VGLL3: variants seen among roughly 807,000 people sequenced by gnomAD.
VGLL3 encodes vestigial like family member 3, also known as transcription cofactor vestigial-like protein 3.
A neutral mutation model predicts 29.2 loss-of-function variants in VGLL3; 18 were observed. The observed-to-expected ratio is 0.62, with a 90% CI of 0.43 to 0.91. The LOEUF is 0.91. Among genes scored for constraint, VGLL3 ranks in the 40% least tolerant of loss-of-function variants. The probability of loss-of-function intolerance (pLI) is 0.00; values close to 1 mark genes in which losing one functional copy is unlikely to be tolerated. For synonymous variants in VGLL3, 180 were observed against 151.8 expected (o/e 1.19, Z -1.36); for missense variants, 440 against 413.2 (o/e 1.06, Z -0.56).
chr3:86,955,769 A>C (rs1210561864), intron 3 of VGLL3, among the ~76,000 whole-genome samples: 5 of 152,300 alleles, frequency 3.3e-5, no homozygotes, highest in East Asian at 1.9e-4. Context: ...TCAAGTAAAC[A>C]TAAATAGGGC....
chr3:86,947,324 T>A (rs1289886710), intron 3 of VGLL3, among the ~76,000 whole-genome samples: 1 of 152,228 alleles, frequency 6.6e-6, no homozygotes, highest in African/African-American at 2.4e-5. Flanking sequence ...TTATTTGCTA[T>A]ATTTTTTATT....
chr3:86,948,240 G>A (rs1704545090), intron 3 of VGLL3, among the ~76,000 whole-genome samples: 1 of 152,144 alleles, frequency 6.6e-6, no homozygotes, highest in African/African-American at 2.4e-5. Context: ...ATGCAGCAAA[G>A]TTGCTGTTGT....
rs1161648912 is a variant in VGLL3, at chr3:86,938,068, G to A, written c.*8956C>T. ...CACCCATTGATCCTTGATTAGTCCT[G>A]AAGTTATCAAAGTATGATTTTTCTT... is the stretch of plus-strand genomic sequence containing the variant. On this transcript the variant is annotated 3_prime_UTR_variant, in exon 4 of 4. Transcript: ENST00000398399. 2 of 152,140 alleles carry A rather than the reference G, an allele frequency of 1.3e-5. No individual in the cohort carries two copies. The highest frequency in any genetic ancestry group is 4.8e-5 in the African/African-American group (2 of 41,420). 9.4% of individuals were successfully genotyped at this position (152,140 alleles called of 1,614,324 possible).
intron 3 of VGLL3, among the ~76,000 whole-genome samples, chr3:86,952,358 C>G (rs569956834): frequency 6.6e-6 from 1 of 152,118 alleles, no homozygotes; most frequent in East Asian, 1.9e-4. Flanking sequence ...AGTCATAACC[C>G]ACTAAATAAA....
rs1294089794 is a variant in VGLL3, at chr3:86,941,891, G to A, written c.*5133C>T. Reference sequence around the variant, plus strand: ...AAAAGTAACATTTTGAAGTTATTGAGACTGAGGTTTCCTTATGGACTCCAC... The same window carrying A: ...AAAAGTAACATTTTGAAGTTATTGAAACTGAGGTTTCCTTATGGACTCCAC... On this transcript the variant is annotated 3_prime_UTR_variant, in exon 4 of 4. Coordinates refer to ENST00000398399, the MANE Select transcript of VGLL3 (RefSeq NM_016206.4). 1.3e-5 allele frequency: 2 copies of A among 152,078 alleles called. No individual in the cohort carries two copies. The highest frequency in any genetic ancestry group is 2.9e-5 in the Non-Finnish European group (2 of 68,014). 9.4% of individuals were successfully genotyped at this position (152,078 alleles called of 1,614,324 possible).
chr3:86,942,136 C>A lies in VGLL3; in HGVS notation c.*4888G>T, dbSNP rs1013286801. The stretch of plus-strand genomic sequence containing the variant: ...AACTGTAATTTCTCTCTCAAACAAG[C>A]CTTTCTTATTCTGAAAGATGTCTTT... On this transcript the variant is annotated 3_prime_UTR_variant, in exon 4 of 4. Transcript: ENST00000398399. The A allele has an allele frequency of 2.0e-5, 3 of 152,048 alleles. No individual in the cohort carries two copies. The highest frequency in any genetic ancestry group is 4.8e-5 in the African/African-American group (2 of 41,404). 9.4% of individuals were successfully genotyped at this position (152,048 alleles called of 1,614,324 possible).
At chr3:86,988,002 T>A (rs948516461) in intron 1 of VGLL3, among the ~76,000 whole-genome samples, 9 of 152,288 alleles carry the variant, frequency 5.9e-5, no homozygotes, top group African/African-American at 2.2e-4. Flanking sequence ...TATATGATCA[T>A]TTGTTAAGAG....
intron 2 of VGLL3, among the ~76,000 whole-genome samples, chr3:86,975,740 T>A (rs1177907200): frequency 6.6e-6 from 1 of 152,056 alleles, no homozygotes; most frequent in African/African-American, 2.4e-5. Context: ...GTAGACTTAG[T>A]GGGATAATAG....
Position 86,990,712 on chromosome 3 carries a change from TG to T in VGLL3, c.31del (p.Gln11SerfsTer35). 2 of 1,320,610 alleles carry T rather than the reference TG, an allele frequency of 1.5e-6. No homozygotes were observed. The highest frequency in any genetic ancestry group is 3.6e-5 in the South Asian group (2 of 55,134). 81.8% of individuals were successfully genotyped at this position (1,320,610 alleles called of 1,614,324 possible). On this transcript the variant is annotated frameshift_variant, in exon 1 of 4. Transcript: ENST00000398399. LOFTEE classifies it high-confidence loss of function. The part of the protein sequence containing the change: MSCAEVMYHP[Q>X]PYGASQYLPN... ...CAGATACTGGGACGCTCCATAAGGC[TG>T]GGGGTGATACATCACCTCCGCACAA...
At chr3:86,988,440 T>G (rs909830790) in intron 1 of VGLL3, among the ~76,000 whole-genome samples, 4 of 151,494 alleles carry the variant, frequency 2.6e-5, no homozygotes, top group Non-Finnish European at 5.9e-5. Context: ...AAGTCAATAT[T>G]AGTCCCACTT....
At chr3:86,968,362 C>G (rs1201250806) in intron 3 of VGLL3, among the ~76,000 whole-genome samples, 1 of 152,054 alleles carries the variant, frequency 6.6e-6, no homozygotes, top group Non-Finnish European at 1.5e-5. Flanking sequence ...AGACTACTAA[C>G]CTAAGATATG....
intron 3 of VGLL3, among the ~76,000 whole-genome samples, chr3:86,956,360 C>T (rs1704722556): frequency 2.0e-5 from 3 of 152,176 alleles, no homozygotes; most frequent in African/African-American, 7.2e-5. Context: ...TGAGTGAGCA[C>T]ATCAGTTTCT....
intron 1 of VGLL3, chr3:86,990,387 G>A (rs536778960): frequency 2.0e-6 from 2 of 985,262 alleles, no homozygotes; most frequent in African/African-American, 1.7e-5. Context: ...TCTGAGCTCC[G>A]GTGACCACAG....
intron 2 of VGLL3, among the ~76,000 whole-genome samples, chr3:86,977,961 G>A (rs1705244003): frequency 6.6e-6 from 1 of 152,200 alleles, no homozygotes; most frequent in Non-Finnish European, 1.5e-5. Flanking sequence ...CCAATGTGCT[G>A]CTCTTTCTTT....
Position 86,949,124 on chromosome 3 carries a change from G to C in VGLL3, c.938-2057C>G, listed in dbSNP as rs149551136. The stretch of plus-strand genomic sequence containing the variant: ...CAAGTGGTTTGCCTGTCTTATTCTT[G>C]CTTTTAAACAAAGGCAATTTCTTAT... On this transcript the variant is annotated intron_variant, in intron 3 of 3. Transcript: ENST00000398399. 4.4e-3 allele frequency among the ~76,000 whole-genome samples: 663 copies of C among 152,156 alleles called. 3 individuals carry two copies. Among genetic ancestry groups the C allele is most frequent in the Middle Eastern group, 0.027 (8 of 294 alleles).
chr3:86,970,483 GCACACACA>G (rs10694503), intron 2 of VGLL3, among the ~76,000 whole-genome samples: 19,262 of 141,250 alleles, frequency 0.14, 1,624 homozygotes, highest in African/African-American at 0.26. Flanking sequence ...TTACACACAC[GCACACACA>G]CACACACACA....
At chr3:86,977,691 C>T (rs937275540) in intron 2 of VGLL3, among the ~76,000 whole-genome samples, 1 of 152,216 alleles carries the variant, frequency 6.6e-6, no homozygotes, top group Non-Finnish European at 1.5e-5. Flanking sequence ...TTCTAACAAG[C>T]TCCCATGTGG....
intron 1 of VGLL3, among the ~76,000 whole-genome samples, chr3:86,979,032 T>C (rs1227259988): frequency 6.6e-6 from 1 of 152,206 alleles, no homozygotes; most frequent in African/African-American, 2.4e-5. Context: ...CAAACGAACA[T>C]AAAAGCCCAT....
At chr3:86,982,974 T>C (rs72918106) in intron 1 of VGLL3, among the ~76,000 whole-genome samples, 13,289 of 152,184 alleles carry the variant, frequency 0.087, 1,576 homozygotes, top group African/African-American at 0.26. Context: ...GTACAGACCA[T>C]ATCCAACCAC....
Sources: allele counts gnomAD v4.1 joint callset (sites outside exome capture counted in the v4.1 genomes callset), GRCh38; gene constraint gnomAD v4.1.1; transcripts MANE v1.5; gene names NCBI Gene and HGNC (gene_info 2026-07-23, HGNC 2026-07-21).